The following JAKMIP2 variants were observed in gnomAD, a reference collection of about 807,000 sequenced individuals.
The protein encoded by JAKMIP2 is janus kinase and microtubule-interacting protein 2.
JAKMIP2 carries 25 observed loss-of-function variants against 115.0 expected under a neutral mutation model. The observed-to-expected ratio is 0.22, with a 90% CI of 0.16 to 0.30. The LOEUF (loss-of-function observed/expected upper bound fraction) is 0.30. Among genes scored for constraint, JAKMIP2 ranks in the 10% least tolerant of loss-of-function variants. The pLI is 1.00. For synonymous variants in JAKMIP2, 334 were observed against 343.6 expected (o/e 0.97, Z 0.31); for missense variants, 642 against 957.6 (o/e 0.67, Z 4.35).
At position 147,650,527 on chromosome 5, in the gene JAKMIP2, C is replaced by T. The variant is rs544384735; in HGVS notation, c.648G>A (p.Lys216=). The T allele has an allele frequency of 6.2e-7, 1 of 1,613,188 alleles. No individual in the cohort carries two copies. The highest frequency in any genetic ancestry group is 2.2e-5 in the East Asian group (1 of 44,878). ...TTTCCAGGGAAAAGATGATCCTGTC[C>T]TTGGCTTTGATTTCATCCATCTGAA... is the stretch of plus-strand genomic sequence containing the variant. ...IRRLMDEIKA[K]DRIIFSLEKE... Residue 216 remains lysine, a synonymous_variant, in exon 4 of 22, where the codon AAG becomes AAA. Transcript: ENST00000616793.
intron 1 of JAKMIP2, among the ~76,000 whole-genome samples, chr5:147,701,393 A>G (rs1398933841): frequency 1.3e-5 from 2 of 152,164 alleles, no homozygotes. Context: ...TCTTCTTGTG[A>G]GCAAAAGTTA....
At chr5:147,770,128 CT>C (rs577378598) in intron 1 of JAKMIP2, among the ~76,000 whole-genome samples, 8 of 150,888 alleles carry the variant, frequency 5.3e-5, no homozygotes, top group Admixed American at 1.3e-4. Context: ...TGATTTTTGA[CT>C]TTTTTTTTAA....
rs922303551 is a variant in JAKMIP2, at chr5:147,641,911, T to C, written c.1225-147A>G. On this transcript the variant is annotated intron_variant, in intron 7 of 21. Coordinates refer to ENST00000616793, the MANE Select transcript of JAKMIP2 (RefSeq NM_001270941.2). ...TTTTAAATTTTGGCAACTTTTGGGATTGATACTTAAATATATTCAAAACAA... is the reference window on the plus strand; with the variant it reads ...TTTTAAATTTTGGCAACTTTTGGGACTGATACTTAAATATATTCAAAACAA... The C allele has an allele frequency of 2.9e-5, 18 of 626,134 alleles. No homozygotes were observed. In the East Asian group the frequency reaches 3.9e-4, roughly 14 times the overall value. The allele number at this position is 626,134 out of a possible 1,614,324, so 38.8% of individuals were successfully genotyped here. A position where few individuals can be genotyped will look rare whatever the true frequency, so the allele number is the denominator to read the frequency against.
chr5:147,720,787 G>A (rs1448686696), intron 1 of JAKMIP2, among the ~76,000 whole-genome samples: 8 of 150,310 alleles, frequency 5.3e-5, no homozygotes, highest in African/African-American at 2.0e-4. Context: ...CTTTGCCTTT[G>A]GTTTGAATGT....
intron 2 of JAKMIP2, among the ~76,000 whole-genome samples, chr5:147,664,393 C>T (rs1220620889): frequency 6.6e-6 from 1 of 152,130 alleles, no homozygotes; most frequent in Admixed American, 6.5e-5. Context: ...GTTGGATTTC[C>T]AGCTCCTGCT....
intron 1 of JAKMIP2, among the ~76,000 whole-genome samples, chr5:147,685,307 G>A (rs1760514829): frequency 6.6e-6 from 1 of 152,126 alleles, no homozygotes; most frequent in South Asian, 2.1e-4. Flanking sequence ...GAAGAATGTA[G>A]GTAACATCAA....
rs561804141 is a variant in JAKMIP2, at chr5:147,715,332, T to A, written c.-148-43378A>T. Among the ~76,000 whole-genome samples the A allele has an allele frequency of 6.1e-4, 92 of 151,846 alleles. 2 individuals are homozygous for A. The South Asian group carries it at 0.019, about 31-fold the overall frequency. On this transcript the variant is annotated intron_variant, in intron 1 of 21. Transcript: ENST00000616793. ...AGTAATTGTATTAAATTTAGATAAA[T>A]GAAATATACCAATTAAAAGATAGAA... is the stretch of plus-strand genomic sequence containing the variant.
At chr5:147,743,139 C>G (rs1483361226) in intron 1 of JAKMIP2, among the ~76,000 whole-genome samples, 1 of 152,220 alleles carries the variant, frequency 6.6e-6, no homozygotes, top group Non-Finnish European at 1.5e-5. Flanking sequence ...AATCCTTACA[C>G]TGACACTGAG....
chr5:147,759,544 A>G lies in JAKMIP2; in HGVS notation c.-149+22912T>C, dbSNP rs1754860606. Among the ~76,000 whole-genome samples, 3 of 152,108 alleles carry G rather than the reference A, an allele frequency of 2.0e-5. No homozygotes were observed. The South Asian group carries it at 6.2e-4, about 31-fold the overall frequency. ...AAACCAACAACTGAATAAAATACCA[A>G]TCAATGATAAGTGTAATATAGGTCA... On this transcript the variant is annotated intron_variant, in intron 1 of 21. Transcript: ENST00000616793.
chr5:147,682,150 T>C (rs1405282759), intron 1 of JAKMIP2, among the ~76,000 whole-genome samples: 5 of 152,034 alleles, frequency 3.3e-5, no homozygotes, highest in Non-Finnish European at 7.4e-5. Flanking sequence ...AAGAATATTC[T>C]AGGCAGAAGG....
intron 1 of JAKMIP2, among the ~76,000 whole-genome samples, chr5:147,721,322 C>A (rs1030481009): frequency 1.7e-4 from 26 of 152,282 alleles, no homozygotes; most frequent in African/African-American, 5.8e-4. Flanking sequence ...GCCCTGCCCC[C>A]AGAGGTGGAG....
At chr5:147,780,064 G>T (rs977303848) in intron 1 of JAKMIP2, among the ~76,000 whole-genome samples, 2 of 152,078 alleles carry the variant, frequency 1.3e-5, no homozygotes, top group African/African-American at 4.8e-5. Context: ...TGAAACAAAC[G>T]ATTGCCATAT....
intron 14 of JAKMIP2, among the ~76,000 whole-genome samples, chr5:147,631,025 T>A (rs2126684403): frequency 6.6e-6 from 1 of 152,272 alleles, no homozygotes; most frequent in Middle Eastern, 3.4e-3. Context: ...TAATTATGAA[T>A]TCCATAGCAC....
At position 147,639,685 on chromosome 5, in the gene JAKMIP2, C is replaced by A. The variant is rs757271432; in HGVS notation, c.1477G>T (p.Ala493Ser). ...KEYQALQRAY[A>S]LLQEQTGGII... is the part of the protein sequence containing the mutation. Reference sequence around the variant, plus strand: ...CCTCCCGTCTGCTCCTGTAGGAGGGCATATGCTCTTTGGAGGGCCTGATAT... The same window carrying A: ...CCTCCCGTCTGCTCCTGTAGGAGGGAATATGCTCTTTGGAGGGCCTGATAT... The change falls in exon 10 of 22, where the codon GCC becomes TCC. Residue 493 changes from alanine to serine, a missense_variant. Ala to Ser is a moderately conservative substitution (Grantham distance 99). Around this residue, in one of 6 missense-constraint regions of JAKMIP2, gnomAD observed 103 missense variants for 177.6 expected, o/e 0.58. Transcript: ENST00000616793. 2.5e-6 allele frequency: 4 copies of A among 1,613,980 alleles called. No homozygotes were observed. The highest frequency in any genetic ancestry group is 3.4e-6 in the Non-Finnish European group (4 of 1,179,928).
Position 147,619,274 on chromosome 5 carries a change from C to T in JAKMIP2, c.2143-1160G>A, listed in dbSNP as rs150871836. 1.7e-3 allele frequency among the ~76,000 whole-genome samples: 255 copies of T among 151,648 alleles called. 2 individuals are homozygous for T. The highest frequency in any genetic ancestry group is 0.011 in the South Asian group (53 of 4,800). ...AATGAGTACTCAGTAGTCTCGGGAC[C>T]CACATAAACACACAACTTAATTTCG... On this transcript the variant is annotated intron_variant, in intron 18 of 21. Transcript: ENST00000616793.
chr5:147,649,720 C>T (rs990373108), intron 4 of JAKMIP2, among the ~76,000 whole-genome samples: 3 of 151,970 alleles, frequency 2.0e-5, no homozygotes, highest in African/African-American at 2.4e-5. Context: ...CTTTGGAACC[C>T]ATCTCTGTTC....
chr5:147,780,602 A>G (rs1393987102), intron 1 of JAKMIP2, among the ~76,000 whole-genome samples: 3 of 152,198 alleles, frequency 2.0e-5, no homozygotes, highest in African/African-American at 7.2e-5. Context: ...TGTTAAAATT[A>G]GGCACAAAGT....
At chr5:147,648,789 C>A (rs747052017) in intron 4 of JAKMIP2, among the ~76,000 whole-genome samples, 2 of 152,110 alleles carry the variant, frequency 1.3e-5, no homozygotes, top group Admixed American at 6.5e-5. Context: ...GCTGTGGGAC[C>A]AAGGTCATGA....
At chr5:147,679,532 G>A (rs1304218524) in intron 1 of JAKMIP2, among the ~76,000 whole-genome samples, 1 of 152,178 alleles carries the variant, frequency 6.6e-6, no homozygotes. Flanking sequence ...AGCTCAGAGT[G>A]GAGTGATAAA....
Sources: gnomAD v4.1 joint callset for allele counts (sites outside exome capture counted in the v4.1 genomes callset) on GRCh38, gnomAD v4.1.1 for gene constraint, gnomAD v4.1.1 regional missense constraint, MANE v1.5 for transcripts, NCBI Gene and HGNC (gene_info 2026-07-23, HGNC 2026-07-21) for gene names.